Variants in PRELID2 observed in about 807,000 individuals in gnomAD.
PRELID2 encodes the protein PRELI domain-containing protein 2.
Under a neutral mutation model 28.4 loss-of-function variants are expected in PRELID2, and 25 were observed. The observed-to-expected ratio is 0.88, with a 90% confidence interval of 0.64 to 1.23. PRELID2 has a LOEUF of 1.23. PRELID2 is among the 50% of genes most tolerant of loss of function. The pLI is 0.00. For missense variants in PRELID2, 201 were observed against 214.4 expected, an observed-to-expected ratio of 0.94 and a Z score of 0.39; for synonymous variants, 76 against 71.6, an observed-to-expected ratio of 1.06 and a Z score of -0.31.
chr5:145,655,126 T>C (rs1362643828), intron 1 of PRELID2, among the ~76,000 whole-genome samples: 4 of 151,542 alleles, frequency 2.6e-5, no homozygotes, highest in Non-Finnish European at 4.4e-5. Flanking sequence ...GAGAGCCAAA[T>C]CATGAGTGAA....
At chr5:145,778,192 AGAG>A (rs1561596760) in intron 5 of PRELID2, among the ~76,000 whole-genome samples, 1 of 152,214 alleles carries the variant, frequency 6.6e-6, no homozygotes, top group African/African-American at 2.4e-5. Flanking sequence ...AACCAGCCAC[AGAG>A]AAGAGCTACC....
At chr5:145,814,267 C>G (rs1361796913) in intron 4 of PRELID2, among the ~76,000 whole-genome samples, 2 of 152,142 alleles carry the variant, frequency 1.3e-5, no homozygotes, top group Non-Finnish European at 2.9e-5. Context: ...CAAATATGTG[C>G]AAAAATTAAG....
At chr5:145,314,256 T>A in the PRELID2 span, among the ~76,000 whole-genome samples, 1 of 152,218 alleles carries the variant, frequency 6.6e-6, no homozygotes, top group African/African-American at 2.4e-5. Flanking sequence ...AGAATTAAAG[T>A]GTATGTCTAG....
chr5:145,278,706 A>AG, the PRELID2 span, among the ~76,000 whole-genome samples: 1 of 152,082 alleles, frequency 6.6e-6, no homozygotes, highest in Non-Finnish European at 1.5e-5. Flanking sequence ...AATCAAGGGG[A>AG]GGGGTCCATC....
At chr5:145,245,769 G>A in the PRELID2 span, among the ~76,000 whole-genome samples, 1 of 152,084 alleles carries the variant, frequency 6.6e-6, no homozygotes, top group Non-Finnish European at 1.5e-5. Flanking sequence ...CCCCGTATTA[G>A]TTGTGTGAAT....
At chr5:145,410,425 T>C in the PRELID2 span, among the ~76,000 whole-genome samples, 1 of 152,192 alleles carries the variant, frequency 6.6e-6, no homozygotes, top group Non-Finnish European at 1.5e-5. Flanking sequence ...TATTAGTCCA[T>C]TATCATGCTG....
intron 1 of PRELID2, among the ~76,000 whole-genome samples, chr5:145,530,900 G>GA (rs1199519387): frequency 6.6e-6 from 1 of 152,000 alleles, no homozygotes; most frequent in East Asian, 1.9e-4. Context: ...CTTGAGTGGA[G>GA]AAAAAATGGG....
At chr5:145,496,697 G>C (rs1752312645) in intron 1 of PRELID2, among the ~76,000 whole-genome samples, 1 of 152,052 alleles carries the variant, frequency 6.6e-6, no homozygotes, top group African/African-American at 2.4e-5. Flanking sequence ...ACTGTGCTAT[G>C]GTCTGAGGTT....
Position 145,757,816 on chromosome 5 carries a change from G to GAAAAAAAAAAAAAAAAAA in PRELID2, c.*2719_*2720insTTTTTTTTTTTTTTTTTT. ...GACCCTATCTCAAAAAAAAGTAAAT[G>GAAAAAAAAAAAAAAAAAA]AAAAAAAAAAAAAAAAAGACCATAA... On this transcript the variant is annotated 3_prime_UTR_variant, in exon 7 of 7. Transcript: ENST00000683046. 1.8e-5 allele frequency among the ~76,000 whole-genome samples: 1 copy of GAAAAAAAAAAAAAAAAAA among 55,120 alleles called. No homozygotes were observed. The highest frequency in any genetic ancestry group is 4.5e-4 in the East Asian group (1 of 2,240). The allele number at this position is 55,120 out of a possible 152,430, so 36.2% of individuals were successfully genotyped here.
chr5:145,738,834 G>A (rs902334935), intron 1 of PRELID2, among the ~76,000 whole-genome samples: 1 of 152,044 alleles, frequency 6.6e-6, no homozygotes, highest in Non-Finnish European at 1.5e-5. Context: ...GATTCAAGAA[G>A]ATGAGTGTTT....
At chr5:145,724,641 AT>A (rs2149720478) in intron 1 of PRELID2, among the ~76,000 whole-genome samples, 1 of 123,570 alleles carries the variant, frequency 8.1e-6, no homozygotes, top group African/African-American at 2.9e-5. Context: ...ATATATATAT[AT>A]ATATAATGCC....
At chr5:145,577,134 A>G (rs1753067899) in intron 1 of PRELID2, among the ~76,000 whole-genome samples, 1 of 152,132 alleles carries the variant, frequency 6.6e-6, no homozygotes, top group Non-Finnish European at 1.5e-5. Flanking sequence ...CTAGCTTGCA[A>G]AGACTGGAAT....
chr5:145,260,599 G>A, the PRELID2 span, among the ~76,000 whole-genome samples: 1 of 152,166 alleles, frequency 6.6e-6, no homozygotes, highest in South Asian at 2.1e-4. Context: ...ATACATAGTA[G>A]GTGTGTGTAT....
At chr5:145,628,417 G>A (rs62394228) in intron 1 of PRELID2, among the ~76,000 whole-genome samples, 3,230 of 152,196 alleles carry the variant, frequency 0.021, 53 homozygotes, top group African/African-American at 0.037. Context: ...TCCACCTCCC[G>A]GGTTCAAGCA....
In PRELID2 at chr5:145,536,157, A is replaced by T. The variant is rs117197920; in HGVS notation, n.71-62842T>A. Among the ~76,000 whole-genome samples, 55 of 152,044 alleles carry T rather than the reference A, an allele frequency of 3.6e-4. No homozygotes were observed. The East Asian group carries it at 7.4e-3, about 20-fold the overall frequency. On this transcript the variant is annotated intron_variant and non_coding_transcript_variant, in intron 1 of 2. Coordinates refer to the PRELID2 transcript ENST00000510259. ...TGTGGTTCTCTCCATTACTCTGTTA[A>T]GGGAGGCTGAGGGATGGCTTCACAA...
chr5:145,821,753 A>G (rs902936969), intron 2 of PRELID2, among the ~76,000 whole-genome samples: 1 of 152,186 alleles, frequency 6.6e-6, no homozygotes, highest in African/African-American at 2.4e-5. Context: ...GCCACTCCCA[A>G]AGGCAAAGAT....
chr5:145,771,551 G>C (rs1328483583), intron 5 of PRELID2, among the ~76,000 whole-genome samples: 1 of 151,484 alleles, frequency 6.6e-6, no homozygotes, highest in African/African-American at 2.4e-5. Flanking sequence ...GGAGAAGGAG[G>C]CTTAAGAAAA....
At chr5:145,830,113 G>C (rs532325644) in intron 1 of PRELID2, among the ~76,000 whole-genome samples, 2 of 152,302 alleles carry the variant, frequency 1.3e-5, no homozygotes, top group East Asian at 3.9e-4. Context: ...ATCCCCAAAA[G>C]AGTCAGTTCA....
chr5:145,332,169 C>A, the PRELID2 span, among the ~76,000 whole-genome samples: 1 of 152,152 alleles, frequency 6.6e-6, no homozygotes, highest in Non-Finnish European at 1.5e-5. Context: ...TTGTGGGTGA[C>A]CTTACCTTTC....
Sources: allele counts gnomAD v4.1 joint callset (sites outside exome capture counted in the v4.1 genomes callset), GRCh38; gene constraint gnomAD v4.1.1; transcripts MANE v1.5; gene names NCBI Gene and HGNC (gene_info 2026-07-23, HGNC 2026-07-21).